The following MARCHF1 variants were observed in gnomAD, a reference collection of about 807,000 sequenced individuals.
MARCHF1 encodes membrane associated ring-CH-type finger 1.
Under a neutral mutation model 54.2 loss-of-function variants are expected in MARCHF1, and 40 were observed. That is an observed-to-expected ratio of 0.74 (90% CI 0.57 to 0.96). The LOEUF (loss-of-function observed/expected upper bound fraction) is 0.96. MARCHF1 is among the 40% of genes least tolerant of loss of function. The pLI is 0.00. For synonymous variants in MARCHF1, 236 were observed against 236.3 expected (o/e 1.00, Z 0.01); for missense variants, 586 against 656.5 (o/e 0.89, Z 1.17).
intron 3 of MARCHF1, among the ~76,000 whole-genome samples, chr4:163,942,489 A>G (rs1181761176): frequency 6.6e-6 from 1 of 152,188 alleles, no homozygotes; most frequent in Non-Finnish European, 1.5e-5. Context: ...AAGAACCTGA[A>G]CTGATGAAAT....
At position 164,182,217 on chromosome 4, in the gene MARCHF1, T is replaced by C. The variant is rs561854439; in HGVS notation, c.-322-70555A>G. Among the ~76,000 whole-genome samples, 387 of 152,210 alleles carry C rather than the reference T, an allele frequency of 2.5e-3. 2 individuals carry two copies. The highest frequency in any genetic ancestry group is 8.9e-3 in the African/African-American group (369 of 41,570). On this transcript the variant is annotated intron_variant, in intron 1 of 9. Transcript: ENST00000514618. ...GTGCTCTTCTCTAGACCACATAGTGTAATCGGAGCCTGACATAGGTCAATA... is the reference window on the plus strand; with the variant it reads ...GTGCTCTTCTCTAGACCACATAGTGCAATCGGAGCCTGACATAGGTCAATA...
intron 8 of MARCHF1, among the ~76,000 whole-genome samples, chr4:163,547,494 A>AATT (rs1248586103): frequency 6.6e-6 from 1 of 152,108 alleles, no homozygotes; most frequent in Non-Finnish European, 1.5e-5. Context: ...TGGAATTCAT[A>AATT]ATTAAGTGGG....
intron 5 of MARCHF1, among the ~76,000 whole-genome samples, chr4:163,695,916 T>C (rs181236720): frequency 0.012 from 1,772 of 152,046 alleles, 31 homozygotes; most frequent in African/African-American, 0.041. Context: ...TAACAAGCAC[T>C]AATATAAAAA....
In MARCHF1 at chr4:164,105,540, G is replaced by A. The variant is rs1402302604; in HGVS notation, c.-248+6048C>T. On this transcript the variant is annotated intron_variant, in intron 2 of 9. Coordinates refer to ENST00000514618, the MANE Select transcript of MARCHF1 (RefSeq NM_001394959.1). The stretch of plus-strand genomic sequence containing the variant: ...AAGGATTCCCTATTTAATAAATGGT[G>A]CTGGGAAAACTGGCTAGCCATATGT... Among the ~76,000 whole-genome samples, 10 of 106,414 alleles carry A rather than the reference G, an allele frequency of 9.4e-5. No homozygotes were observed. In the South Asian group the frequency reaches 1.3e-3, roughly 13 times the overall value. The allele number at this position is 106,414 out of a possible 152,430, so 69.8% of individuals were successfully genotyped here.
At chr4:163,895,705 G>A (rs1750790948) in intron 3 of MARCHF1, among the ~76,000 whole-genome samples, 1 of 152,110 alleles carries the variant, frequency 6.6e-6, no homozygotes. Context: ...GGTTTCACAG[G>A]GAAGGTGTGG....
intron 3 of MARCHF1, among the ~76,000 whole-genome samples, chr4:163,896,154 C>CA (rs1196882601): frequency 1.3e-5 from 2 of 151,656 alleles, no homozygotes; most frequent in Non-Finnish European, 2.9e-5. Flanking sequence ...TATATTGTGC[C>CA]AAAAAAGAAT....
At chr4:163,836,018 G>A (rs1025852544) in intron 4 of MARCHF1, among the ~76,000 whole-genome samples, 2 of 152,054 alleles carry the variant, frequency 1.3e-5, no homozygotes, top group South Asian at 2.1e-4. Flanking sequence ...GACTCAGCTT[G>A]GCACAATTCC....
chr4:164,294,438 C>T (rs1734361625), intron 1 of MARCHF1, among the ~76,000 whole-genome samples: 1 of 152,170 alleles, frequency 6.6e-6, no homozygotes, highest in South Asian at 2.1e-4. Context: ...GCTCCAGCCA[C>T]ACCAACGGAC....
intron 1 of MARCHF1, among the ~76,000 whole-genome samples, chr4:164,147,957 T>C (rs936153902): frequency 2.6e-5 from 4 of 152,112 alleles, no homozygotes; most frequent in African/African-American, 7.2e-5. Context: ...CAAAGTATAA[T>C]CTATAGAATA....
intron 2 of MARCHF1, among the ~76,000 whole-genome samples, chr4:164,070,345 T>G (rs1754836473): frequency 6.6e-6 from 1 of 152,166 alleles, no homozygotes; most frequent in Admixed American, 6.5e-5. Flanking sequence ...CCTGCAAAAG[T>G]TGTGCAGAGC....
rs545971568 is a variant in MARCHF1, at chr4:164,218,479, A to G, written c.-322-106817T>C. ...CAATGAGCCAGAGAAAGGAATAGGA[A>G]GAAAATGTGTCACATATACACCATA... On this transcript the variant is annotated intron_variant, in intron 1 of 9. Coordinates refer to ENST00000514618, the MANE Select transcript of MARCHF1 (RefSeq NM_001394959.1). Among the ~76,000 whole-genome samples the G allele has an allele frequency of 3.9e-4, 59 of 152,180 alleles. 1 individual carries two copies. In the South Asian group the frequency reaches 0.012, roughly 31 times the overall value.
intron 3 of MARCHF1, among the ~76,000 whole-genome samples, chr4:163,942,976 T>C (rs1024484077): frequency 2.0e-5 from 3 of 152,160 alleles, no homozygotes; most frequent in African/African-American, 7.2e-5. Flanking sequence ...TTTTTTGTTG[T>C]TGTTGGCCGC....
intron 1 of MARCHF1, among the ~76,000 whole-genome samples, chr4:164,351,904 A>G (rs1218153372): frequency 2.4e-4 from 37 of 151,378 alleles, no homozygotes; most frequent in Non-Finnish European, 8.8e-5. Flanking sequence ...ACCAATACAG[A>G]CAAGTGCTTA....
At chr4:163,824,959 T>G (rs1457432494) in intron 4 of MARCHF1, among the ~76,000 whole-genome samples, 1 of 150,156 alleles carries the variant, frequency 6.7e-6, no homozygotes, top group Admixed American at 6.7e-5. Context: ...TCACACCAGT[T>G]AGAATGGCAA....
At chr4:163,691,703 A>G (rs1579199730) in intron 5 of MARCHF1, among the ~76,000 whole-genome samples, 2 of 152,210 alleles carry the variant, frequency 1.3e-5, no homozygotes, top group South Asian at 4.2e-4. Context: ...ACCAACCAAA[A>G]TCCTGGAGAA....
intron 4 of MARCHF1, among the ~76,000 whole-genome samples, chr4:163,704,953 G>A (rs1344758071): frequency 2.0e-5 from 3 of 151,308 alleles, no homozygotes; most frequent in Non-Finnish European, 4.4e-5. Flanking sequence ...TATCAGAAAT[G>A]ATACATAATC....
intron 1 of MARCHF1, among the ~76,000 whole-genome samples, chr4:164,237,059 A>C (rs1732581929): frequency 6.6e-6 from 1 of 152,138 alleles, no homozygotes; most frequent in Non-Finnish European, 1.5e-5. Context: ...TCTTTCAAAT[A>C]AACTCAACTT....
chr4:164,075,380 A>G (rs1017366154), intron 2 of MARCHF1, among the ~76,000 whole-genome samples: 1 of 152,178 alleles, frequency 6.6e-6, no homozygotes, highest in Non-Finnish European at 1.5e-5. Context: ...CAATATCTTG[A>G]AGGGTACTTG....
At chr4:163,855,694 C>T (rs1229346026) in intron 3 of MARCHF1, among the ~76,000 whole-genome samples, 1 of 152,052 alleles carries the variant, frequency 6.6e-6, no homozygotes, top group Non-Finnish European at 1.5e-5. Flanking sequence ...CACTTTAGTA[C>T]TTATAATAAA....
Sources: gnomAD v4.1 joint callset for allele counts (sites outside exome capture counted in the v4.1 genomes callset) on GRCh38, gnomAD v4.1.1 for gene constraint, MANE v1.5 for transcripts, NCBI Gene and HGNC (gene_info 2026-07-23, HGNC 2026-07-21) for gene names.